Variants in VWF observed in about 807,000 individuals in gnomAD.
VWF encodes the protein von Willebrand factor.
VWF carries 176 observed loss-of-function variants against 308.6 expected under a neutral mutation model. That is an observed-to-expected ratio of 0.57 (90% CI 0.50 to 0.65). The LOEUF is 0.65. Among genes scored for constraint, VWF ranks in the 30% least tolerant of loss-of-function variants. The pLI is 0.00. For synonymous variants in VWF, 1,385 were observed against 1,443.4 expected, an observed-to-expected ratio of 0.96 and a Z score of 0.92; for missense variants, 3,146 against 3,648.2, an observed-to-expected ratio of 0.86 and a Z score of 3.55.
In VWF at chr12:6,075,395, C is replaced by G. The variant is rs747799959; in HGVS notation, c.814G>C (p.Ala272Pro). Residue 272 changes from alanine (A) to proline (P), a missense_variant, in exon 7 of 52, where the codon GCC becomes CCC. Physicochemically the swap from Ala to Pro is conservative, Grantham distance 27. Around this residue, in one of 3 missense-constraint regions of VWF, gnomAD observed 1,304 missense variants for 1,353.0 expected, o/e 0.96. Transcript: ENST00000261405. This position sits in a 1 kb window ranked among gnomAD's most constrained non-coding sequence, Gnocchi z 4.7. ...ATTCCCTCCTGGGCACAGGTCCGGG[C>G]GTACTCCAGGAGGGCAGGGCAGGCG... ...ECACPALLEY[A>P]RTCAQEGMVL... is the part of the protein sequence containing the mutation. The G allele has an allele frequency of 1.2e-6, 2 of 1,613,978 alleles. No homozygotes were observed. The highest frequency in any genetic ancestry group is 2.7e-5 in the African/African-American group (2 of 74,910).
intron 3 of VWF, among the ~76,000 whole-genome samples, chr12:6,118,817 G>T (rs1038846263): frequency 6.6e-6 from 1 of 152,188 alleles, no homozygotes; most frequent in African/African-American, 2.4e-5. Flanking sequence ...AAAATCTGGG[G>T]TCACCAAGGT....
At chr12:5,963,928 C>T (rs186660846) in intron 47 of VWF, among the ~76,000 whole-genome samples, 16 of 152,286 alleles carry the variant, frequency 1.1e-4, no homozygotes, top group Admixed American at 7.2e-4. Context: ...CAAAAAGCAG[C>T]CAGGCGCAGT....
chr12:6,103,484 A>ACATATG (rs1945203621), intron 5 of VWF, among the ~76,000 whole-genome samples: 4 of 138,578 alleles, frequency 2.9e-5, no homozygotes, highest in Non-Finnish European at 4.6e-5. Flanking sequence ...GTGTATATAC[A>ACATATG]TATATGTGTA....
chr12:6,106,170 A>G (rs1299659641), intron 5 of VWF, among the ~76,000 whole-genome samples: 5 of 152,234 alleles, frequency 3.3e-5, no homozygotes, highest in Non-Finnish European at 7.3e-5. Context: ...ATAAATGGAT[A>G]AGCAAAGTAC....
rs928730817 is a variant in VWF at position 6,110,448 on chromosome 12, C to T, written c.458G>A (p.Arg153Lys). ...SGNFQVLLSD[R>K]YFNKTCGLCG... is the part of the protein sequence containing the mutation. Reference sequence around the variant, plus strand: ...CAGCCCGCAGGTCTTGTTGAAGTATCTGTCTGACAGCAGGACTTGAAAGTT... The same window carrying T: ...CAGCCCGCAGGTCTTGTTGAAGTATTTGTCTGACAGCAGGACTTGAAAGTT... The change falls in exon 5 of 52, where the codon AGA becomes AAA. Residue 153 changes from arginine (R) to lysine (K), a missense_variant. This residue lies in a region of VWF where 1,304 missense variants were observed against 1,353.0 expected (regional missense o/e 0.96). Transcript: ENST00000261405. 2.5e-6 allele frequency: 4 copies of T among 1,614,198 alleles called. No homozygotes were observed. The Admixed American group carries it at 5.0e-5, about 20-fold the overall frequency.
In VWF at chr12:6,075,868, T is replaced by C. The variant is rs114737751; in HGVS notation, c.658-317A>G. ...AGGATGGAGAGAAGCACAAAGAGCA[T>C]GCGCCCTGGAGTTGGCCTGGGTGGC... On this transcript the variant is annotated intron_variant, in intron 6 of 51. Transcript: ENST00000261405. The surrounding 1 kb of genome is among the most constrained non-coding windows in gnomAD (Gnocchi z 4.7). Among the ~76,000 whole-genome samples, 51 of 152,286 alleles carry C rather than the reference T, an allele frequency of 3.3e-4. No individual in the cohort carries two copies. Among genetic ancestry groups the C allele is most frequent in the African/African-American group, 1.1e-3 (47 of 41,554 alleles).
chr12:5,964,406 G>A (rs146953813), intron 47 of VWF, among the ~76,000 whole-genome samples: 5 of 152,008 alleles, frequency 3.3e-5, no homozygotes, highest in East Asian at 3.9e-4. Flanking sequence ...TTCCACCTTC[G>A]TACCCCCAAA....
rs1945403253 is a variant in VWF, at chr12:6,119,177, C to G, written c.220+1997G>C. Among the ~76,000 whole-genome samples, 7 of 152,258 alleles carry G rather than the reference C, an allele frequency of 4.6e-5. No individual in the cohort carries two copies. The South Asian group carries it at 1.4e-3, about 31-fold the overall frequency. ...CCCCATCAGACTCCAAGACCCTACA[C>G]TGCAGCTTCACCCGATGGTACAGCC... On this transcript the variant is annotated intron_variant, in intron 3 of 51. Transcript: ENST00000261405.
intron 42 of VWF, among the ~76,000 whole-genome samples, chr12:5,980,117 AG>A (rs1943583491): frequency 1.6e-5 from 2 of 126,916 alleles, no homozygotes; most frequent in South Asian, 6.1e-4. Flanking sequence ...GAAGGAAGGA[AG>A]GAAGGAAGGA....
intron 45 of VWF, 89 bp downstream of exon 45, chr12:5,969,121 TA>T: frequency 6.7e-7 from 1 of 1,487,330 alleles, no homozygotes; most frequent in Non-Finnish European, 9.2e-7. Flanking sequence ...CCTAAGTTGC[TA>T]AAAAGGCAAA....
chr12:6,095,412 C>T, intron 6 of VWF, 48 bp downstream of exon 6: 10 of 1,613,250 alleles, frequency 6.2e-6, no homozygotes, highest in African/African-American at 1.3e-5. Flanking sequence ...TCTTTTAGAT[C>T]CAGAAATCAC....
At chr12:6,068,134 CAAAAAAAAAA>C (rs200782717) in intron 10 of VWF, among the ~76,000 whole-genome samples, 1 of 57,788 alleles carries the variant, frequency 1.7e-5, no homozygotes, top group Non-Finnish European at 3.8e-5. Context: ...AACTCTGTCT[CAAAAAAAAAA>C]AAAAAAAAAA....
chr12:5,969,417 C>T, intron 44 of VWF, 26 bp from the exon 45 acceptor site: 1 of 1,613,934 alleles, frequency 6.2e-7, no homozygotes, highest in Non-Finnish European at 8.5e-7. Context: ...GTTAGTCCAA[C>T]AAGCTGGGGC....
At chr12:6,050,961 A>G (rs533751363) in intron 16 of VWF, among the ~76,000 whole-genome samples, 2 of 152,224 alleles carry the variant, frequency 1.3e-5, no homozygotes, top group Non-Finnish European at 2.9e-5. Context: ...GTCTCAAAAA[A>G]AAAAAAAAGA....
chr12:6,057,016 G>A lies in VWF; in HGVS notation c.1786C>T (p.His596Tyr). ...TAGGGCAGCGGGCTGACGGCACGAT[G>A]GCAGGCCTCGAATGTGGGGGACGTC... ...VLTSPTFEAC[H>Y]RAVSPLPYLR... The change falls in exon 15 of 52, where the codon CAT becomes TAT. Residue 596 changes from histidine (H) to tyrosine (Y), a missense_variant. By Grantham distance (83) the His-to-Tyr change is moderately conservative. Coordinates refer to ENST00000261405, the MANE Select transcript of VWF (RefSeq NM_000552.5). 4 of 1,550,350 alleles carry A rather than the reference G, an allele frequency of 2.6e-6. No individual in the cohort carries two copies. Among genetic ancestry groups the A allele is most frequent in the Non-Finnish European group, 3.5e-6 (4 of 1,153,280 alleles).
At chr12:5,955,486 C>A (rs906063778) in intron 47 of VWF, among the ~76,000 whole-genome samples, 2 of 151,656 alleles carry the variant, frequency 1.3e-5, no homozygotes, top group African/African-American at 2.4e-5. Context: ...TTTGTCCTTG[C>A]GATAGTTTAC....
At chr12:5,984,001 T>TAGATAGAC in intron 40 of VWF, among the ~76,000 whole-genome samples, 1 of 120,448 alleles carries the variant, frequency 8.3e-6, no homozygotes, top group South Asian at 3.0e-4. Context: ...GATAGATAGA[T>TAGATAGAC]AGATAGATAG....
In VWF at chr12:6,095,587, G is replaced by C. The variant is rs2136500500; in HGVS notation, c.533-3C>G. The C allele has an allele frequency of 6.2e-7, 1 of 1,614,186 alleles. No homozygotes were observed. The highest frequency in any genetic ancestry group is 8.5e-7 in the Non-Finnish European group (1 of 1,180,008). ...ATAAGGGTCCGAGGTCAAGGTCCCT[G>C]TGGAGGAAAGTTTCAGGAAAGTAAT... On this transcript the variant is annotated splice_polypyrimidine_tract_variant and splice_region_variant and intron_variant, in intron 5 of 51. Coordinates refer to ENST00000261405, the MANE Select transcript of VWF (RefSeq NM_000552.5).
intron 31 of VWF, among the ~76,000 whole-genome samples, chr12:6,014,774 C>T (rs1399853756): frequency 6.6e-6 from 1 of 152,054 alleles, no homozygotes; most frequent in Non-Finnish European, 1.5e-5. Context: ...ACTAGACCAC[C>T]AAGGGGGTAT....
Sources: gnomAD v4.1 joint callset for allele counts (sites outside exome capture counted in the v4.1 genomes callset) on GRCh38, gnomAD v4.1.1 for gene constraint, gnomAD v4.1.1 regional missense constraint, Gnocchi (gnomAD v3.1) non-coding constraint, MANE v1.5 for transcripts, NCBI Gene and HGNC (gene_info 2026-07-23, HGNC 2026-07-21) for gene names.